TENM2: variants seen among roughly 807,000 people sequenced by gnomAD.
TENM2 encodes the protein teneurin transmembrane protein 2.
Under a neutral mutation model 245.2 loss-of-function variants are expected in TENM2, and 52 were observed. The observed-to-expected ratio is 0.21, with a 90% CI of 0.17 to 0.27. The LOEUF (loss-of-function observed/expected upper bound fraction) is 0.27. TENM2 is among the 10% of genes least tolerant of loss of function. The pLI is 1.00. For synonymous variants in TENM2, 1,363 were observed against 1,438.9 expected, an observed-to-expected ratio of 0.95 and a Z score of 1.19; for missense variants, 3,046 against 3,666.8, an observed-to-expected ratio of 0.83 and a Z score of 4.37.
intron 3 of TENM2, among the ~76,000 whole-genome samples, chr5:167,949,754 A>AT (rs1359869495): frequency 6.6e-6 from 1 of 152,166 alleles, no homozygotes; most frequent in Non-Finnish European, 1.5e-5. Flanking sequence ...CTCTAGCTAA[A>AT]TGCCCCTCCT....
intron 2 of TENM2, among the ~76,000 whole-genome samples, chr5:167,810,323 G>T (rs887412614): frequency 6.6e-6 from 1 of 152,038 alleles, no homozygotes; most frequent in Non-Finnish European, 1.5e-5. Context: ...TGTTAGTGGC[G>T]CATACAGAAA....
chr5:167,548,675 T>C (rs1406754611), intron 2 of TENM2, among the ~76,000 whole-genome samples: 3 of 152,164 alleles, frequency 2.0e-5, no homozygotes, highest in Non-Finnish European at 4.4e-5. Flanking sequence ...CAAGATGGCC[T>C]CTTACCATAT....
At chr5:167,028,515 T>A in the TENM2 span, among the ~76,000 whole-genome samples, 1 of 152,162 alleles carries the variant, frequency 6.6e-6, no homozygotes, top group Non-Finnish European at 1.5e-5. Flanking sequence ...TGTATCACTT[T>A]GATTTTTATA....
intron 2 of TENM2, among the ~76,000 whole-genome samples, chr5:167,471,524 A>G (rs1189165835): frequency 1.3e-5 from 2 of 151,980 alleles, no homozygotes; most frequent in Admixed American, 6.5e-5. Context: ...CTGAAGTGGC[A>G]ATCTTCAATA....
At chr5:167,518,843 A>C (rs375871368) in intron 2 of TENM2, among the ~76,000 whole-genome samples, 1 of 152,212 alleles carries the variant, frequency 6.6e-6, no homozygotes. Context: ...CAGTGGCAGG[A>C]TCTTTTGGGA....
intron 19 of TENM2, among the ~76,000 whole-genome samples, chr5:168,206,629 G>A (rs555173448): frequency 6.6e-5 from 10 of 152,232 alleles, no homozygotes; most frequent in African/African-American, 2.4e-4. Flanking sequence ...CCAAACTGGC[G>A]ATCAGACAAA....
At chr5:167,984,668 A>G (rs1783099508) in intron 4 of TENM2, among the ~76,000 whole-genome samples, 1 of 152,156 alleles carries the variant, frequency 6.6e-6, no homozygotes, top group Non-Finnish European at 1.5e-5. Context: ...GGAAAAAAAA[A>G]TTATATGCTT....
the TENM2 span, among the ~76,000 whole-genome samples, chr5:167,137,892 T>C: frequency 6.6e-6 from 1 of 152,222 alleles, no homozygotes; most frequent in Non-Finnish European, 1.5e-5. Context: ...ATTTCAAAAT[T>C]TGACACCATT....
intron 2 of TENM2, among the ~76,000 whole-genome samples, chr5:167,829,499 G>T (rs936800731): frequency 6.6e-6 from 1 of 152,174 alleles, no homozygotes; most frequent in Non-Finnish European, 1.5e-5. Context: ...ACATTCTTTT[G>T]TCAATTTCGT....
At chr5:167,194,151 C>G in the TENM2 span, among the ~76,000 whole-genome samples, 19 of 152,080 alleles carry the variant, frequency 1.2e-4, no homozygotes, top group African/African-American at 4.6e-4. Context: ...TAACAGCCGC[C>G]TACACCCTTT....
chr5:167,925,292 A>G (rs547629612), intron 3 of TENM2, among the ~76,000 whole-genome samples: 16 of 152,358 alleles, frequency 1.1e-4, no homozygotes, highest in Non-Finnish European at 1.6e-4. Context: ...CTTGCTTATC[A>G]TTCCATTTAT....
At chr5:167,457,379 C>T (rs1023946067) in intron 2 of TENM2, among the ~76,000 whole-genome samples, 1 of 151,234 alleles carries the variant, frequency 6.6e-6, no homozygotes, top group African/African-American at 2.4e-5. Context: ...GTTGCCCAGG[C>T]TGGAGTGCAA....
At chr5:167,978,517 A>C (rs1401239452) in intron 4 of TENM2, among the ~76,000 whole-genome samples, 1 of 152,254 alleles carries the variant, frequency 6.6e-6, no homozygotes, top group Non-Finnish European at 1.5e-5. Context: ...AAGAAGCCAG[A>C]CACAAAAGGT....
In TENM2 at chr5:167,933,570, G is replaced by A. The variant is rs1778452407; in HGVS notation, c.713-19018G>A. ...AATTTGGAATTATTATATCCACACAGCATGGTTAAAATAAAAATATCGAGC... is the reference window on the plus strand; with the variant it reads ...AATTTGGAATTATTATATCCACACAACATGGTTAAAATAAAAATATCGAGC... On this transcript the variant is annotated intron_variant, in intron 3 of 28. Coordinates refer to ENST00000518659, the Ensembl canonical transcript of TENM2. Among the ~76,000 whole-genome samples the A allele has an allele frequency of 3.3e-5, 5 of 152,026 alleles. No individual in the cohort carries two copies. In the South Asian group the frequency reaches 1.0e-3, roughly 32 times the overall value.
chr5:167,825,974 G>A (rs1160593560), intron 2 of TENM2, among the ~76,000 whole-genome samples: 1 of 151,702 alleles, frequency 6.6e-6, no homozygotes, highest in African/African-American at 2.4e-5. Context: ...GCTCATGTTT[G>A]TTCATTTTTC....
chr5:167,096,971 G>A, the TENM2 span, among the ~76,000 whole-genome samples: 4 of 152,204 alleles, frequency 2.6e-5, no homozygotes, highest in African/African-American at 7.2e-5. Flanking sequence ...ATGTTTGTCC[G>A]TGATCTAGTC....
chr5:167,995,383 T>G (rs938109127), intron 5 of TENM2, among the ~76,000 whole-genome samples: 2 of 152,238 alleles, frequency 1.3e-5, no homozygotes, highest in Admixed American at 1.3e-4. Flanking sequence ...CATCGTTTAT[T>G]AGTTCATAAT....
chr5:168,062,196 C>A, exon 7 of TENM2: 1 of 1,613,840 alleles, frequency 6.2e-7, no homozygotes, highest in Non-Finnish European at 8.5e-7. Flanking sequence ...TAAAGTTCAA[C>A]ATCTCCCTCG....
intron 1 of TENM2, among the ~76,000 whole-genome samples, chr5:167,293,227 G>A (rs549636400): frequency 1.3e-3 from 202 of 152,130 alleles, no homozygotes; most frequent in Non-Finnish European, 2.3e-3. Context: ...TTAAGGCAGA[G>A]CTTCACTCTT....
Sources: gnomAD v4.1 joint callset for allele counts (sites outside exome capture counted in the v4.1 genomes callset) on GRCh38, gnomAD v4.1.1 for gene constraint, MANE v1.5 for transcripts, NCBI Gene and HGNC (gene_info 2026-07-23, HGNC 2026-07-21) for gene names.